The following ZSWIM5 variants were observed in gnomAD, a reference collection of about 807,000 sequenced individuals.
The protein encoded by ZSWIM5 is zinc finger SWIM-type containing 5, also known as zinc finger SWIM domain-containing protein 5.
In ZSWIM5, 55 loss-of-function variants were observed where a neutral mutation model predicts 119.6. The observed-to-expected ratio is 0.46, with a 90% CI of 0.37 to 0.58. The LOEUF is 0.58. Among genes scored for constraint, ZSWIM5 ranks in the 20% least tolerant of loss-of-function variants. ZSWIM5 has a pLI of 0.00. For missense variants in ZSWIM5, 1,193 were observed against 1,512.8 expected (o/e 0.79, Z 3.51); for synonymous variants, 537 against 606.9 (o/e 0.88, Z 1.69).
intron 1 of ZSWIM5, among the ~76,000 whole-genome samples, chr1:45,131,584 G>A (rs964660644): frequency 4.6e-5 from 7 of 151,990 alleles, no homozygotes; most frequent in African/African-American, 1.7e-4. Flanking sequence ...AATTAGCTGG[G>A]CACGGTGGTG....
chr1:45,142,581 G>A (rs1418108305), intron 1 of ZSWIM5, among the ~76,000 whole-genome samples: 2 of 151,922 alleles, frequency 1.3e-5, no homozygotes, highest in Non-Finnish European at 2.9e-5. Flanking sequence ...TCAAACTCCT[G>A]GACTCAAGCA....
chr1:45,043,534 A>G, intron 5 of ZSWIM5, 139 bp from the exon 6 acceptor site: 1 of 812,506 alleles, frequency 1.2e-6, no homozygotes, highest in South Asian at 1.7e-5. Flanking sequence ...AGAACAGGTT[A>G]TAAGGAAGGG....
intron 1 of ZSWIM5, among the ~76,000 whole-genome samples, chr1:45,134,193 A>C (rs1645676033): frequency 6.6e-6 from 1 of 152,166 alleles, no homozygotes; most frequent in African/African-American, 2.4e-5. Flanking sequence ...TCTATAAATT[A>C]CCTTGGGCAG....
At chr1:45,110,847 C>A (rs1459854685) in intron 1 of ZSWIM5, among the ~76,000 whole-genome samples, 2 of 151,930 alleles carry the variant, frequency 1.3e-5, no homozygotes, top group African/African-American at 2.4e-5. Context: ...AATTTCTGTA[C>A]CCTGATGGAG....
chr1:45,080,838 G>A (rs936353912), intron 2 of ZSWIM5, among the ~76,000 whole-genome samples: 3 of 152,192 alleles, frequency 2.0e-5, no homozygotes, highest in Admixed American at 2.0e-4. Flanking sequence ...ATAGGGCATA[G>A]AGTAGTGCTG....
At chr1:45,047,580 G>A (rs1001210572) in intron 5 of ZSWIM5, among the ~76,000 whole-genome samples, 1 of 152,204 alleles carries the variant, frequency 6.6e-6, no homozygotes, top group African/African-American at 2.4e-5. Flanking sequence ...AATTGGAGAT[G>A]CAGGAGAGAG....
rs1644858646 is a variant in ZSWIM5 at position 45,017,084 on chromosome 1, T to A, written c.*1370A>T. On this transcript the variant is annotated 3_prime_UTR_variant, in exon 14 of 14. Transcript: ENST00000359600. ...CAGCCAATCTGATGGCAGAGGGAGA[T>A]TGGTGCTTAGAAGCTTGTTTGGTGA... 1 of 152,004 alleles carries A rather than the reference T, an allele frequency of 6.6e-6. No individual in the cohort carries two copies. The highest frequency in any genetic ancestry group is 2.1e-4 in the South Asian group (1 of 4,810). The allele number at this position is 152,004 out of a possible 1,614,324, so 9.4% of individuals were successfully genotyped here.
At chr1:45,035,477 G>A (rs1644977042) in intron 10 of ZSWIM5, among the ~76,000 whole-genome samples, 1 of 152,146 alleles carries the variant, frequency 6.6e-6, no homozygotes, top group South Asian at 2.1e-4. Context: ...AATCAACCAT[G>A]AGTACTGCCA....
chr1:45,176,133 C>G (rs1385701768), intron 1 of ZSWIM5, among the ~76,000 whole-genome samples: 2 of 148,050 alleles, frequency 1.4e-5, no homozygotes, highest in Non-Finnish European at 3.0e-5. Context: ...AACTGAATGC[C>G]ATATATATAT....
chr1:45,199,427 T>C (rs759542509), intron 1 of ZSWIM5, among the ~76,000 whole-genome samples: 1 of 151,980 alleles, frequency 6.6e-6, no homozygotes, highest in Non-Finnish European at 1.5e-5. Flanking sequence ...ACCTCCTGAG[T>C]AGCTGGGACT....
intron 11 of ZSWIM5, 78 bp downstream of exon 11, chr1:45,034,234 T>G (rs779725674): frequency 6.8e-7 from 1 of 1,465,390 alleles, no homozygotes; most frequent in South Asian, 1.4e-5. Context: ...CTCAGGAGAC[T>G]GCAGGCCAAG....
intron 1 of ZSWIM5, among the ~76,000 whole-genome samples, chr1:45,183,438 CA>C (rs1236410801): frequency 1.3e-5 from 2 of 151,958 alleles, no homozygotes; most frequent in Non-Finnish European, 2.9e-5. Context: ...AAAAACCCTT[CA>C]AAAAATTAAT....
chr1:45,100,032 T>G lies in ZSWIM5; in HGVS notation c.596-11795A>C, dbSNP rs552704669. 7.2e-4 allele frequency among the ~76,000 whole-genome samples: 110 copies of G among 152,296 alleles called. 1 individual carries two copies. In the South Asian group the frequency reaches 7.3e-3, roughly 10 times the overall value. ...TCACAACTCCTATTCAACATAGTAT[T>G]GGAAGTTCTGGCCAGGGCAATCAGG... On this transcript the variant is annotated intron_variant, in intron 1 of 13. Transcript: ENST00000359600.
chr1:45,118,671 G>A lies in ZSWIM5; in HGVS notation c.596-30434C>T, dbSNP rs138898758. ...GTGGTAGGATCACCTGAGCCTGGGA[G>A]GTGGAGGTTGCAGTGAGCTGAGATG... On this transcript the variant is annotated intron_variant, in intron 1 of 13. Coordinates refer to ENST00000359600, the MANE Select transcript of ZSWIM5 (RefSeq NM_020883.2). Among the ~76,000 whole-genome samples, 508 of 151,122 alleles carry A rather than the reference G, an allele frequency of 3.4e-3. 4 individuals carry two copies. Among genetic ancestry groups the A allele is most frequent in the East Asian group, 0.015 (76 of 5,138 alleles).
At chr1:45,169,541 A>C (rs1645933007) in intron 1 of ZSWIM5, among the ~76,000 whole-genome samples, 1 of 152,062 alleles carries the variant, frequency 6.6e-6, no homozygotes, top group South Asian at 2.1e-4. Context: ...TCATCATCAG[A>C]CCATACTGTC....
Position 45,018,936 on chromosome 1 carries a change from G to A in ZSWIM5, c.3076C>T (p.His1026Tyr), listed in dbSNP as rs776548729. ...TCCTGGTTGTAGGCCAGGTTAAGAT[G>A]GCTCATGGCCAATGAGGCCAGCTTG... ...AFKLASLAMSHLNLAYNQDTH... is the reference protein window; with the variant it reads ...AFKLASLAMSYLNLAYNQDTH... The change falls in exon 14 of 14, where the codon CAT (histidine) becomes TAT (tyrosine). Residue 1026 changes from histidine (H) to tyrosine (Y), a missense_variant. Transcript: ENST00000359600. This position sits in a 1 kb window ranked among gnomAD's most constrained non-coding sequence, Gnocchi z 6.7. 2 of 1,614,218 alleles carry A rather than the reference G, an allele frequency of 1.2e-6. No homozygotes were observed. Among genetic ancestry groups the A allele is most frequent in the Non-Finnish European group, 1.7e-6 (2 of 1,180,040 alleles).
chr1:45,169,613 C>T (rs1027017868), intron 1 of ZSWIM5, among the ~76,000 whole-genome samples: 1 of 152,038 alleles, frequency 6.6e-6, no homozygotes, highest in Non-Finnish European at 1.5e-5. Flanking sequence ...TATATTTCAT[C>T]ATGTCACTTT....
chr1:45,143,779 C>CA (rs1645744429), intron 1 of ZSWIM5, among the ~76,000 whole-genome samples: 1 of 150,900 alleles, frequency 6.6e-6, no homozygotes, highest in Non-Finnish European at 1.5e-5. Flanking sequence ...AAGGAATTTA[C>CA]AAAAAAGTGC....
intron 11 of ZSWIM5, 100 bp from the exon 12 acceptor site, chr1:45,020,888 T>A (rs1379148773): frequency 5.0e-6 from 7 of 1,391,418 alleles, no homozygotes; most frequent in Non-Finnish European, 6.9e-6. Flanking sequence ...TATCAATTCA[T>A]TGAATGCTTC....
Sources: allele counts gnomAD v4.1 joint callset (sites outside exome capture counted in the v4.1 genomes callset), GRCh38; gene constraint gnomAD v4.1.1; non-coding constraint Gnocchi (gnomAD v3.1); transcripts MANE v1.5; gene names NCBI Gene and HGNC (gene_info 2026-07-23, HGNC 2026-07-21).